Variants in JAK2 observed in about 807,000 individuals in gnomAD.
JAK2 encodes Janus kinase 2, also known as tyrosine-protein kinase JAK2.
Under a neutral mutation model 139.3 loss-of-function variants are expected in JAK2, and 86 were observed. The ratio of observed to expected loss-of-function variants is 0.62; its 90% confidence interval spans 0.52 to 0.74. JAK2 has a LOEUF of 0.74. Ranked by LOEUF, JAK2 falls within the 30% of genes least tolerant of loss-of-function variation. JAK2 has a pLI of 0.00. For synonymous variants in JAK2, 490 were observed against 437.7 expected (o/e 1.12, Z -1.49); for missense variants, 1,421 against 1,360.3 (o/e 1.04, Z -0.70).
At chr9:5,041,956 C>T in intron 4 of JAK2, 1 of 378,738 alleles carries the variant, frequency 2.6e-6, no homozygotes, top group Non-Finnish European at 5.1e-6. Context: ...GAATCTTCTC[C>T]GTGCGGCCCC....
At chr9:4,989,207 T>C (rs1439558890) in intron 2 of JAK2, among the ~76,000 whole-genome samples, 1 of 152,234 alleles carries the variant, frequency 6.6e-6, no homozygotes. Flanking sequence ...TCTCTAGTCC[T>C]TAAGCTTGTA....
rs530253600 is a variant in JAK2 at position 5,063,068 on chromosome 9, A to T, written c.1057-1815A>T. ...TATTTGTGTTAGCTAAATACCTTTT[A>T]TAGTTCAAACATGTCACATGCTTGT... On this transcript the variant is annotated intron_variant, in intron 8 of 24. Coordinates refer to ENST00000381652, the MANE Select transcript of JAK2 (RefSeq NM_004972.4). Among the ~76,000 whole-genome samples, 18 of 152,220 alleles carry T rather than the reference A, an allele frequency of 1.2e-4. 1 individual carries two copies. Among genetic ancestry groups the T allele is most frequent in the African/African-American group, 4.1e-4 (17 of 41,556 alleles).
intron 2 of JAK2, among the ~76,000 whole-genome samples, chr9:5,015,596 A>G (rs1298591299): frequency 6.6e-6 from 1 of 150,506 alleles, no homozygotes; most frequent in African/African-American, 2.4e-5. Context: ...GTGCAGTGGC[A>G]TGAGCACAAT....
chr9:5,102,639 G>C (rs1485411629), intron 22 of JAK2, among the ~76,000 whole-genome samples: 1 of 152,200 alleles, frequency 6.6e-6, no homozygotes, highest in Non-Finnish European at 1.5e-5. Flanking sequence ...AGGGCAGCCA[G>C]AGAGAAATGT....
At chr9:5,051,074 A>C (rs755941472) in intron 6 of JAK2, among the ~76,000 whole-genome samples, 12 of 152,176 alleles carry the variant, frequency 7.9e-5, no homozygotes, top group Non-Finnish European at 1.8e-4. Flanking sequence ...TTTCCTTTGA[A>C]CATCATGTTG....
intron 22 of JAK2, among the ~76,000 whole-genome samples, chr9:5,104,070 A>G (rs1186614066): frequency 6.6e-6 from 1 of 152,246 alleles, no homozygotes; most frequent in African/African-American, 2.4e-5. Flanking sequence ...CTAAGATCAG[A>G]GCAGAACTGA....
chr9:5,105,296 A>G (rs1391149382), intron 22 of JAK2, among the ~76,000 whole-genome samples: 1 of 152,220 alleles, frequency 6.6e-6, no homozygotes, highest in East Asian at 1.9e-4. Flanking sequence ...TCATGAGTGA[A>G]CTATTCACAA....
At chr9:4,998,414 G>A (rs1004017820) in intron 2 of JAK2, among the ~76,000 whole-genome samples, 1 of 151,966 alleles carries the variant, frequency 6.6e-6, no homozygotes, top group African/African-American at 2.4e-5. Flanking sequence ...GCACCACCAC[G>A]CCCAGCTAAT....
chr9:5,053,015 G>C (rs1410172199), intron 6 of JAK2, among the ~76,000 whole-genome samples: 35 of 151,906 alleles, frequency 2.3e-4, no homozygotes, highest in Admixed American at 2.2e-3. Context: ...CATATATTTA[G>C]GAGTGGAATT....
At chr9:4,991,454 A>G (rs562706937) in intron 2 of JAK2, among the ~76,000 whole-genome samples, 2 of 152,330 alleles carry the variant, frequency 1.3e-5, no homozygotes, top group Non-Finnish European at 2.9e-5. Context: ...GGGCCATGTG[A>G]TGTGAGTAAG....
At chr9:5,119,311 T>G (rs1409902329) in intron 22 of JAK2, among the ~76,000 whole-genome samples, 1 of 152,148 alleles carries the variant, frequency 6.6e-6, no homozygotes, top group Non-Finnish European at 1.5e-5. Context: ...GAGGTATGTT[T>G]ATTATGAAGC....
intron 22 of JAK2, among the ~76,000 whole-genome samples, chr9:5,091,865 T>C (rs1329091929): frequency 3.3e-5 from 5 of 152,094 alleles, no homozygotes; most frequent in Non-Finnish European, 7.4e-5. Context: ...GAAATTAAGC[T>C]CTATTGCTAG....
chr9:5,062,355 C>T (rs780833953), intron 8 of JAK2, among the ~76,000 whole-genome samples: 6 of 151,522 alleles, frequency 4.0e-5, no homozygotes, highest in African/African-American at 7.3e-5. Flanking sequence ...CACAAATCAC[C>T]GTAACAGGTA....
intron 18 of JAK2, 74 bp downstream of exon 18, chr9:5,080,757 T>G: frequency 8.7e-7 from 1 of 1,154,706 alleles, no homozygotes; most frequent in Non-Finnish European, 1.2e-6. Flanking sequence ...TTACTAATTT[T>G]TAATTCCTTT....
chr9:5,023,561 T>A (rs188629096), intron 3 of JAK2, among the ~76,000 whole-genome samples: 1 of 152,320 alleles, frequency 6.6e-6, no homozygotes, highest in African/African-American at 2.4e-5. Context: ...GTGACTAAAA[T>A]TCCAGGGGTT....
At chr9:5,121,259 G>T (rs1449623712) in intron 22 of JAK2, among the ~76,000 whole-genome samples, 1 of 152,156 alleles carries the variant, frequency 6.6e-6, no homozygotes, top group Non-Finnish European at 1.5e-5. Context: ...TAAGAGATTT[G>T]CAAAGACAGA....
At chr9:5,114,764 C>T (rs951432470) in intron 22 of JAK2, 1 of 327,990 alleles carries the variant, frequency 3.0e-6, no homozygotes, top group African/African-American at 2.2e-5. Context: ...CAGCGACTGG[C>T]TCACAGACCG....
intron 5 of JAK2, 59 bp downstream of exon 5, chr9:5,044,579 TA>T: frequency 9.3e-7 from 1 of 1,070,188 alleles, no homozygotes; most frequent in Non-Finnish European, 1.4e-6. Context: ...TGCTGTTTAA[TA>T]AGTCACTTAA....
intron 3 of JAK2, among the ~76,000 whole-genome samples, chr9:5,023,485 T>G (rs990748981): frequency 6.6e-6 from 1 of 152,190 alleles, no homozygotes; most frequent in Non-Finnish European, 1.5e-5. Flanking sequence ...AGGAAATGCT[T>G]TTGTGCTGTC....
Sources: gnomAD v4.1 joint callset for allele counts (sites outside exome capture counted in the v4.1 genomes callset) on GRCh38, gnomAD v4.1.1 for gene constraint, MANE v1.5 for transcripts, NCBI Gene and HGNC (gene_info 2026-07-23, HGNC 2026-07-21) for gene names.